Variants in CASD1 observed in about 807,000 individuals in gnomAD.
The protein encoded by CASD1 is N-acetylneuraminate (7)9-O-acetyltransferase.
A neutral mutation model predicts 100.0 loss-of-function variants in CASD1; 41 were observed. The observed-to-expected ratio is 0.41, with a 90% CI of 0.32 to 0.53. The LOEUF (loss-of-function observed/expected upper bound fraction) is 0.53. Among genes scored for constraint, CASD1 ranks in the 20% least tolerant of loss-of-function variants. The probability of loss-of-function intolerance (pLI) is 0.25; values close to 1 mark genes in which losing one functional copy is unlikely to be tolerated. For missense variants in CASD1, 774 were observed against 948.7 expected (o/e 0.82, Z 2.42); for synonymous variants, 321 against 315.6 (o/e 1.02, Z -0.18).
At chr7:94,575,028 T>C in the CASD1 span, among the ~76,000 whole-genome samples, 1 of 152,126 alleles carries the variant, frequency 6.6e-6, no homozygotes, top group African/African-American at 2.4e-5. Flanking sequence ...TTGAATGGTT[T>C]TTCATGTCTC....
chr7:94,524,282 A>C (rs1473575939), intron 3 of CASD1: 3 of 152,138 alleles, frequency 2.0e-5, no homozygotes, highest in Non-Finnish European at 4.4e-5. Context: ...ACCTTAAAGA[A>C]AAAAGATAAG....
At chr7:94,605,526 G>C in the CASD1 span, among the ~76,000 whole-genome samples, 1 of 151,334 alleles carries the variant, frequency 6.6e-6, no homozygotes, top group Non-Finnish European at 1.5e-5. Context: ...AATGATACAA[G>C]AGAGATGAGG....
At chr7:94,539,110 GTTTC>G (rs1433730754) in intron 10 of CASD1, 54 bp downstream of exon 10, 11 of 1,046,794 alleles carry the variant, frequency 1.1e-5, no homozygotes, top group Non-Finnish European at 1.5e-5. Context: ...TCATTTTAAT[GTTTC>G]TTTAAGGGCA....
In CASD1 at chr7:94,555,909, G is replaced by A. The variant is rs1796184010; in HGVS notation, c.*151G>A. 2 of 737,366 alleles carry A rather than the reference G, an allele frequency of 2.7e-6. No homozygotes were observed. Among genetic ancestry groups the A allele is most frequent in the Non-Finnish European group, 4.3e-6 (2 of 463,362 alleles). The allele number at this position is 737,366 out of a possible 1,614,324, so 45.7% of individuals were successfully genotyped here. A position where few individuals can be genotyped will look rare whatever the true frequency, so the allele number is the denominator to read the frequency against. On this transcript the variant is annotated 3_prime_UTR_variant, in exon 18 of 18. Transcript: ENST00000297273. ...CTGTGACATCTGTTGAACATATGTG[G>A]TTGTATATATTGGAAATGTACATAT...
chr7:94,565,107 A>G, the CASD1 span, among the ~76,000 whole-genome samples: 5 of 151,980 alleles, frequency 3.3e-5, no homozygotes, highest in East Asian at 1.9e-4. Context: ...TCTATTATCT[A>G]TGTATACTAC....
At chr7:94,599,650 A>C in the CASD1 span, 3 of 1,512,600 alleles carry the variant, frequency 2.0e-6, no homozygotes, top group Non-Finnish European at 2.8e-6. Flanking sequence ...GGCAACTGAG[A>C]GGTGGGAAAA....
chr7:94,606,139 C>G, the CASD1 span, among the ~76,000 whole-genome samples: 1 of 152,166 alleles, frequency 6.6e-6, no homozygotes, highest in African/African-American at 2.4e-5. Context: ...TCAATAATCA[C>G]TTTAAACATC....
At chr7:94,587,660 T>C in the CASD1 span, 2 of 1,502,120 alleles carry the variant, frequency 1.3e-6, no homozygotes, top group Non-Finnish European at 1.8e-6. Context: ...ATCAATATAT[T>C]GAACAGTCTT....
the CASD1 span, among the ~76,000 whole-genome samples, chr7:94,585,834 C>T: frequency 1.3e-5 from 2 of 151,780 alleles, no homozygotes; most frequent in Non-Finnish European, 2.9e-5. Flanking sequence ...ACCTTTTAAT[C>T]GTGGCTTTTA....
chr7:94,553,132 A>G (rs1417052556), intron 16 of CASD1: 1 of 480,524 alleles, frequency 2.1e-6, no homozygotes. Context: ...TAGGTCTCAC[A>G]TTCATGATTT....
chr7:94,630,105 G>A, the CASD1 span, among the ~76,000 whole-genome samples: 2 of 151,918 alleles, frequency 1.3e-5, no homozygotes, highest in South Asian at 2.1e-4. Context: ...TAATATTTTA[G>A]ACTGTTATCA....
chr7:94,615,367 TAGATAGA>T, the CASD1 span, among the ~76,000 whole-genome samples: 3 of 1,624 alleles, frequency 1.8e-3, no homozygotes, highest in Non-Finnish European at 1.0e-3. Flanking sequence ...TCAAAATAAA[TAGATAGA>T]TAGATAGATA....
intron 17 of CASD1, 74 bp from the exon 18 acceptor site, chr7:94,555,417 TG>T: frequency 7.1e-7 from 1 of 1,413,720 alleles, no homozygotes; most frequent in Middle Eastern, 2.0e-4. Context: ...GCAACCAAAT[TG>T]TTTAAATTAG....
chr7:94,515,140 A>C (rs891603518), intron 1 of CASD1, among the ~76,000 whole-genome samples: 1 of 152,074 alleles, frequency 6.6e-6, no homozygotes, highest in South Asian at 2.1e-4. Context: ...TCAGTTGTCT[A>C]CTTAGCAATC....
chr7:94,552,995 C>T (rs1181327187), intron 16 of CASD1, among the ~76,000 whole-genome samples: 3 of 152,118 alleles, frequency 2.0e-5, no homozygotes, highest in African/African-American at 7.2e-5. Context: ...CCAAGGGCTG[C>T]AGTGGTTACC....
chr7:94,600,676 G>A, the CASD1 span: 1 of 1,613,652 alleles, frequency 6.2e-7, no homozygotes, highest in African/African-American at 1.3e-5. Flanking sequence ...CATGATATAA[G>A]CAAGTATTAG....
the CASD1 span, among the ~76,000 whole-genome samples, chr7:94,569,005 G>A: frequency 6.6e-6 from 1 of 152,134 alleles, no homozygotes; most frequent in Non-Finnish European, 1.5e-5. Flanking sequence ...AGCAGTATAA[G>A]CAAACTATTC....
At chr7:94,522,894 C>T (rs1432434433) in intron 3 of CASD1, among the ~76,000 whole-genome samples, 1 of 152,160 alleles carries the variant, frequency 6.6e-6, no homozygotes, top group African/African-American at 2.4e-5. Context: ...ATCTCCTGAC[C>T]TCGTGATCCA....
At position 94,539,002 on chromosome 7, in the gene CASD1, G is replaced by A; in HGVS notation, c.1302G>A (p.Trp434Ter). The stretch of plus-strand genomic sequence containing the variant: ...TAAATAGAGAACAAACAGACGAATG[G>A]AAAGGCTGGATGCAACTTGTGATTT... ...KVLNREQTDE[W>*]KGWMQLVILI... Residue 434 changes from tryptophan to a stop codon, truncating the protein, a stop_gained, in exon 10 of 18, where the codon TGG (tryptophan) becomes TGA (stop). Transcript: ENST00000297273. LOFTEE classifies it high-confidence loss of function. The A allele has an allele frequency of 6.2e-7, 1 of 1,609,894 alleles. No individual in the cohort carries two copies. The highest frequency in any genetic ancestry group is 8.5e-7 in the Non-Finnish European group (1 of 1,176,934).
Sources: allele counts gnomAD v4.1 joint callset (sites outside exome capture counted in the v4.1 genomes callset), GRCh38; gene constraint gnomAD v4.1.1; transcripts MANE v1.5; gene names NCBI Gene and HGNC (gene_info 2026-07-23, HGNC 2026-07-21).